Variants in BCAS4 observed in about 807,000 individuals in gnomAD.
The protein encoded by BCAS4 is breast carcinoma-amplified sequence 4.
BCAS4 carries 9 observed loss-of-function variants against 15.7 expected under a neutral mutation model. That is an observed-to-expected ratio of 0.57 (90% CI 0.34 to 1.00). The LOEUF (loss-of-function observed/expected upper bound fraction) is 1.00, where lower values mean the gene tolerates loss of function less well. BCAS4 is among the 50% of genes least tolerant of loss of function. The probability of loss-of-function intolerance (pLI) is 0.02; values close to 1 mark genes in which losing one functional copy is unlikely to be tolerated. For missense variants in BCAS4, 225 were observed against 239.1 expected, an observed-to-expected ratio of 0.94 and a Z score of 0.39; for synonymous variants, 101 against 99.5, an observed-to-expected ratio of 1.02 and a Z score of -0.09.
intron 1 of BCAS4, among the ~76,000 whole-genome samples, chr20:50,810,333 G>A (rs2088044449): frequency 6.6e-6 from 1 of 151,922 alleles, no homozygotes; most frequent in African/African-American, 2.4e-5. Context: ...CCTAGATTCG[G>A]GAGTGGGAAG....
intron 4 of BCAS4, among the ~76,000 whole-genome samples, chr20:50,870,729 A>T (rs2122680286): frequency 6.6e-6 from 1 of 152,346 alleles, no homozygotes; most frequent in East Asian, 1.9e-4. Flanking sequence ...ATTTTTACAA[A>T]ATCACAAAGC....
chr20:50,821,261 A>T (rs1296062790), intron 2 of BCAS4, among the ~76,000 whole-genome samples: 1 of 152,240 alleles, frequency 6.6e-6, no homozygotes, highest in African/African-American at 2.4e-5. Flanking sequence ...GAGAACATGC[A>T]TCCTTTTGGA....
chr20:50,832,709 A>G (rs977720022), intron 3 of BCAS4: 1 of 152,148 alleles, frequency 6.6e-6, no homozygotes, highest in African/African-American at 2.4e-5. Flanking sequence ...CCTTTTCCAG[A>G]TTCTAGCACT....
intron 4 of BCAS4, chr20:50,846,607 CTTTTTTTTTTT>C (rs144685124): frequency 5.7e-5 from 4 of 69,784 alleles, no homozygotes; most frequent in African/African-American, 1.9e-4. Context: ...GTCTCTCTCT[CTTTTTTTTTTT>C]TTTTTTTTTT....
downstream of BCAS4, chr20:50,878,812 A>G (rs971477784): frequency 2.0e-5 from 3 of 152,186 alleles, no homozygotes; most frequent in Admixed American, 2.0e-4. Flanking sequence ...TATTACAGAA[A>G]GGGGTGCCTA....
intron 1 of BCAS4, among the ~76,000 whole-genome samples, chr20:50,796,715 C>T (rs1373396522): frequency 6.6e-6 from 1 of 151,270 alleles, no homozygotes; most frequent in Non-Finnish European, 1.5e-5. Flanking sequence ...AGGATGATCT[C>T]TATCTCTTGA....
chr20:50,830,449 G>A (rs535317385), intron 3 of BCAS4, 69 bp downstream of exon 3: 24 of 1,309,428 alleles, frequency 1.8e-5, no homozygotes, highest in East Asian at 7.1e-5. Context: ...CCGCAAAGAC[G>A]CCGATCTGGC....
downstream of BCAS4, chr20:50,877,418 G>C (rs1014406561): frequency 6.6e-6 from 1 of 152,220 alleles, no homozygotes; most frequent in Non-Finnish European, 1.5e-5. Context: ...ATGCAGATGA[G>C]TTTCCTGCTA....
At chr20:50,820,013 G>T (rs1484865533) in intron 2 of BCAS4, among the ~76,000 whole-genome samples, 3 of 151,990 alleles carry the variant, frequency 2.0e-5, no homozygotes, top group African/African-American at 7.3e-5. Context: ...ACCATGCCTG[G>T]CTAATTTTTG....
chr20:50,837,976 A>ACACACACG (rs968825898), intron 3 of BCAS4, among the ~76,000 whole-genome samples: 1 of 143,264 alleles, frequency 7.0e-6, no homozygotes, highest in African/African-American at 2.7e-5. Flanking sequence ...CTCTACACAC[A>ACACACACG]CACACACGCA....
intron 4 of BCAS4, among the ~76,000 whole-genome samples, chr20:50,869,549 A>G (rs1979529179): frequency 6.6e-6 from 1 of 152,046 alleles, no homozygotes; most frequent in Non-Finnish European, 1.5e-5. Flanking sequence ...CAACCACATA[A>G]AAGTCAGGCC....
rs879873108 is a variant in BCAS4 at position 50,855,521 on chromosome 20, AC to A, written c.399+13623del. ...GCATCCCCCTTCGTGCCCCACCTCC[AC>A]CTGCATCTCTGGCTCCTCCAAGAGA... is the stretch of plus-strand genomic sequence containing the variant. On this transcript the variant is annotated intron_variant, in intron 4 of 4. Coordinates refer to ENST00000371608, the MANE Select transcript of BCAS4 (RefSeq NM_198799.4). Among the ~76,000 whole-genome samples the A allele has an allele frequency of 6.1e-4, 91 of 150,002 alleles. 1 individual carries two copies. In the East Asian group the frequency reaches 0.017, roughly 29 times the overall value.
chr20:50,867,506 C>A (rs1299392813), intron 4 of BCAS4, among the ~76,000 whole-genome samples: 2 of 152,060 alleles, frequency 1.3e-5, no homozygotes, highest in African/African-American at 4.8e-5. Context: ...GCCACCATGC[C>A]CAGCTAATTT....
At chr20:50,859,402 G>T (rs898310241) in intron 4 of BCAS4, among the ~76,000 whole-genome samples, 2 of 152,184 alleles carry the variant, frequency 1.3e-5, no homozygotes, top group African/African-American at 2.4e-5. Context: ...CCTGGCCCTG[G>T]CGATGGCCTA....
chr20:50,839,278 T>C (rs2088448703), intron 3 of BCAS4, among the ~76,000 whole-genome samples: 1 of 152,220 alleles, frequency 6.6e-6, no homozygotes, highest in African/African-American at 2.4e-5. Flanking sequence ...TGCCCATACA[T>C]GTACTGAGCA....
intron 4 of BCAS4, among the ~76,000 whole-genome samples, chr20:50,872,223 C>T (rs1405339525): frequency 7.5e-6 from 1 of 132,996 alleles, no homozygotes; most frequent in African/African-American, 3.1e-5. Context: ...AAGATTGCAC[C>T]ATTGCATTCC....
intron 4 of BCAS4, among the ~76,000 whole-genome samples, chr20:50,845,157 TGA>T (rs1342973664): frequency 6.6e-6 from 1 of 152,050 alleles, no homozygotes; most frequent in Non-Finnish European, 1.5e-5. Flanking sequence ...ACCGAGTCAC[TGA>T]GGGGTTAAGT....
At chr20:50,875,862 G>A (rs4300893) in intron 4 of BCAS4, 5,502 of 437,780 alleles carry the variant, frequency 0.013, 213 homozygotes, top group African/African-American at 0.089. Context: ...GAGCTGTCAC[G>A]TGTCGGTATA....
At chr20:50,796,637 G>T (rs1445169107) in intron 1 of BCAS4, among the ~76,000 whole-genome samples, 2 of 148,534 alleles carry the variant, frequency 1.3e-5, no homozygotes, top group Admixed American at 1.4e-4. Context: ...TGGGACTACA[G>T]GCGTGTGCCA....
Sources: allele counts gnomAD v4.1 joint callset (sites outside exome capture counted in the v4.1 genomes callset), GRCh38; gene constraint gnomAD v4.1.1; transcripts MANE v1.5; gene names NCBI Gene and HGNC (gene_info 2026-07-23, HGNC 2026-07-21).